Variants in PARD3B observed in about 807,000 individuals in gnomAD.
PARD3B encodes the protein partitioning defective 3 homolog B.
PARD3B carries 103 observed loss-of-function variants against 130.2 expected under a neutral mutation model. The observed-to-expected ratio is 0.79, with a 90% CI of 0.67 to 0.93. PARD3B has a LOEUF of 0.93. Among genes scored for constraint, PARD3B ranks in the 40% least tolerant of loss-of-function variants. The pLI is 0.00. For synonymous variants in PARD3B, 583 were observed against 553.2 expected (o/e 1.05, Z -0.76); for missense variants, 1,609 against 1,499.2 (o/e 1.07, Z -1.21).
chr2:205,158,865 G>A lies in PARD3B; in HGVS notation c.1578G>A (p.Gly526=), dbSNP rs184413299. The A allele has an allele frequency of 6.2e-7, 1 of 1,614,088 alleles. No homozygotes were observed. Among genetic ancestry groups the A allele is most frequent in the Admixed American group, 1.7e-5 (1 of 60,012 alleles). ...NKSRETGTDL[G]IFIKSIIHGG... Reference sequence around the variant, plus strand: ...CCAGAGAAACTGGAACAGACTTGGGGATTTTTATCAAATCCATCATTCATG... The same window carrying A: ...CCAGAGAAACTGGAACAGACTTGGGAATTTTTATCAAATCCATCATTCATG... The change falls in exon 11 of 23, where the codon GGG becomes GGA. Residue 526 remains glycine, a synonymous_variant. Coordinates refer to ENST00000406610, the MANE Select transcript of PARD3B (RefSeq NM_001302769.2). This position sits in a 1 kb window ranked among gnomAD's most constrained non-coding sequence, Gnocchi z 5.4.
At chr2:205,394,546 T>C (rs1050463094) in intron 18 of PARD3B, among the ~76,000 whole-genome samples, 3 of 152,170 alleles carry the variant, frequency 2.0e-5, no homozygotes, top group Admixed American at 2.0e-4. Flanking sequence ...CCAATGTTCA[T>C]AGCAGCCTTA....
At chr2:205,050,498 A>G (rs1296358920) in intron 4 of PARD3B, among the ~76,000 whole-genome samples, 2 of 152,014 alleles carry the variant, frequency 1.3e-5, no homozygotes, top group Non-Finnish European at 2.9e-5. Flanking sequence ...GCCACTAGCC[A>G]CATGTGGCTA....
At chr2:204,817,606 AATACTC>A (rs1209422903) in intron 2 of PARD3B, among the ~76,000 whole-genome samples, 14 of 152,242 alleles carry the variant, frequency 9.2e-5, no homozygotes, top group Admixed American at 7.9e-4. Flanking sequence ...TGTGTTGAAT[AATACTC>A]AGCTGCAGGG....
chr2:205,516,088 A>C (rs1413435697), intron 21 of PARD3B, among the ~76,000 whole-genome samples: 1 of 152,144 alleles, frequency 6.6e-6, no homozygotes, highest in Non-Finnish European at 1.5e-5. Context: ...CAGCTTTATG[A>C]AAGATCAGGT....
At chr2:205,075,136 A>G (rs1039248825) in intron 4 of PARD3B, among the ~76,000 whole-genome samples, 18 of 152,310 alleles carry the variant, frequency 1.2e-4, no homozygotes, top group African/African-American at 4.3e-4. Flanking sequence ...TTACAATTTG[A>G]AATGGCTTTA....
At chr2:205,004,665 T>C (rs1695108280) in intron 3 of PARD3B, among the ~76,000 whole-genome samples, 1 of 152,228 alleles carries the variant, frequency 6.6e-6, no homozygotes, top group African/African-American at 2.4e-5. Context: ...ATATCAATAA[T>C]ATTTTCATAA....
At chr2:205,502,953 GT>G (rs1010119755) in intron 21 of PARD3B, among the ~76,000 whole-genome samples, 15 of 151,420 alleles carry the variant, frequency 9.9e-5, no homozygotes, top group African/African-American at 3.2e-4. Context: ...CCTCCCTAGG[GT>G]TCTCACTTGG....
intron 1 of PARD3B, among the ~76,000 whole-genome samples, chr2:204,663,153 A>G (rs1044986701): frequency 1.3e-5 from 2 of 152,122 alleles, no homozygotes; most frequent in African/African-American, 4.8e-5. Flanking sequence ...AGCTGTAACC[A>G]TGGTTACTGT....
chr2:204,794,124 T>G (rs991559140), intron 2 of PARD3B, among the ~76,000 whole-genome samples: 4 of 152,104 alleles, frequency 2.6e-5, no homozygotes, highest in Admixed American at 2.6e-4. Context: ...TGAGGGTACT[T>G]TGGGGTTTCA....
intron 2 of PARD3B, among the ~76,000 whole-genome samples, chr2:204,928,756 C>T (rs558166798): frequency 6.6e-6 from 1 of 152,202 alleles, no homozygotes; most frequent in South Asian, 2.1e-4. Flanking sequence ...TCCTCTGCTT[C>T]TTTCATACTT....
rs1333845706 is a variant in PARD3B at position 204,943,586 on chromosome 2, CTG to C, written c.223-21563_223-21562del. 2.0e-5 allele frequency among the ~76,000 whole-genome samples: 3 copies of C among 152,198 alleles called. No homozygotes were observed. Among genetic ancestry groups the C allele is most frequent in the African/African-American group, 7.2e-5 (3 of 41,444 alleles). ...ATGGCTTGTGCCATGAGAAACCAAA[CTG>C]TGATTACTAGGGAAGATTTCTTAAG... is the stretch of plus-strand genomic sequence containing the variant. On this transcript the variant is annotated intron_variant, in intron 2 of 22. Coordinates refer to ENST00000406610, the MANE Select transcript of PARD3B (RefSeq NM_001302769.2). The surrounding 1 kb of genome is among the most constrained non-coding windows in gnomAD (Gnocchi z 4.2).
At chr2:205,312,182 A>G (rs548604505) in intron 18 of PARD3B, among the ~76,000 whole-genome samples, 1 of 152,290 alleles carries the variant, frequency 6.6e-6, no homozygotes, top group East Asian at 1.9e-4. Context: ...CCAGATAGTG[A>G]TTGTAAAATG....
intron 18 of PARD3B, among the ~76,000 whole-genome samples, chr2:205,338,152 CAAAAAAAAAAAA>C (rs1159561152): frequency 4.9e-5 from 1 of 20,450 alleles, no homozygotes; most frequent in African/African-American, 1.3e-4. Context: ...GACTCCATCT[CAAAAAAAAAAAA>C]AAAAAAAAAA....
chr2:205,526,002 A>T (rs2051319493), intron 21 of PARD3B, among the ~76,000 whole-genome samples: 1 of 152,236 alleles, frequency 6.6e-6, no homozygotes, highest in Non-Finnish European at 1.5e-5. Context: ...TGTCCTTATC[A>T]GTATCAGACT....
At chr2:205,498,038 C>CACACAA (rs1208290422) in intron 20 of PARD3B, among the ~76,000 whole-genome samples, 3 of 151,292 alleles carry the variant, frequency 2.0e-5, no homozygotes, top group Non-Finnish European at 4.4e-5. Context: ...CACACACACA[C>CACACAA]ACACACAAAG....
At chr2:205,000,209 C>A (rs1210519919) in intron 3 of PARD3B, among the ~76,000 whole-genome samples, 1 of 152,120 alleles carries the variant, frequency 6.6e-6, no homozygotes, top group East Asian at 1.9e-4. Flanking sequence ...TAACAATATT[C>A]CCTTTCCTAT....
intron 4 of PARD3B, among the ~76,000 whole-genome samples, chr2:205,053,919 C>T (rs1354948142): frequency 2.0e-5 from 3 of 152,048 alleles, no homozygotes; most frequent in African/African-American, 7.2e-5. Context: ...CCCACCCTGA[C>T]ACAGTGATTT....
At chr2:205,597,183 TCTCTA>T (rs976639334) in intron 22 of PARD3B, among the ~76,000 whole-genome samples, 5 of 152,136 alleles carry the variant, frequency 3.3e-5, no homozygotes, top group Non-Finnish European at 7.4e-5. Context: ...CAGCCCTCAC[TCTCTA>T]CTCTTGTAGT....
chr2:205,049,302 C>T (rs1699023404), intron 4 of PARD3B, among the ~76,000 whole-genome samples: 1 of 152,058 alleles, frequency 6.6e-6, no homozygotes, highest in Admixed American at 6.6e-5. Flanking sequence ...GAAGGGGAAG[C>T]AAACATGTCC....
Sources: allele counts gnomAD v4.1 joint callset (sites outside exome capture counted in the v4.1 genomes callset), GRCh38; gene constraint gnomAD v4.1.1; non-coding constraint Gnocchi (gnomAD v3.1); transcripts MANE v1.5; gene names NCBI Gene and HGNC (gene_info 2026-07-23, HGNC 2026-07-21).